Variants in AGBL4 observed in about 807,000 individuals in gnomAD.
AGBL4 encodes the protein AGBL carboxypeptidase 4.
A neutral mutation model predicts 66.4 loss-of-function variants in AGBL4; 58 were observed. That is an observed-to-expected ratio of 0.87 (90% confidence interval 0.71 to 1.09). The LOEUF is 1.09. Among genes scored for constraint, AGBL4 ranks in the 50% least tolerant of loss-of-function variants. The pLI is 0.00. For missense variants in AGBL4, 579 were observed against 631.0 expected (o/e 0.92, Z 0.88); for synonymous variants, 234 against 222.9 (o/e 1.05, Z -0.44).
chr1:49,956,978 G>A (rs1175316603), intron 1 of AGBL4, among the ~76,000 whole-genome samples: 2 of 151,950 alleles, frequency 1.3e-5, no homozygotes, highest in Admixed American at 6.6e-5. Context: ...GTTATAAGAA[G>A]TAGGAGAACA....
At chr1:49,266,081 C>G (rs191686141) in intron 3 of AGBL4, 1 of 152,050 alleles carries the variant, frequency 6.6e-6, no homozygotes, top group Non-Finnish European at 1.5e-5. Context: ...AGGGAATCAA[C>G]AAAGTTTGTT....
chr1:48,539,085 C>G (rs1199388027), intron 12 of AGBL4, among the ~76,000 whole-genome samples: 1 of 152,224 alleles, frequency 6.6e-6, no homozygotes, highest in Non-Finnish European at 1.5e-5. Context: ...TCCTCAGCAG[C>G]CCTGCAAGTT....
chr1:49,439,550 C>T (rs771080717), intron 3 of AGBL4, among the ~76,000 whole-genome samples: 6 of 152,026 alleles, frequency 3.9e-5, no homozygotes, highest in South Asian at 4.2e-4. Flanking sequence ...TTGAAGGATG[C>T]GAAGTACCGA....
chr1:49,995,264 A>C (rs1660280448), intron 1 of AGBL4: 1 of 455,274 alleles, frequency 2.2e-6, no homozygotes, highest in Admixed American at 2.3e-5. Flanking sequence ...ACAAGTTTTC[A>C]GCCCTGCTCA....
At chr1:49,574,403 C>A (rs759294354) in intron 3 of AGBL4, among the ~76,000 whole-genome samples, 2 of 152,036 alleles carry the variant, frequency 1.3e-5, no homozygotes, top group African/African-American at 2.4e-5. Flanking sequence ...CCACTGTGAG[C>A]GAGCTGGAAA....
At chr1:49,653,206 A>G (rs1646045567) in intron 3 of AGBL4, among the ~76,000 whole-genome samples, 1 of 152,138 alleles carries the variant, frequency 6.6e-6, no homozygotes, top group Admixed American at 6.6e-5. Context: ...GTGGACCCCA[A>G]GCAAAACGCA....
chr1:49,869,914 T>G (rs1646797565), intron 1 of AGBL4, among the ~76,000 whole-genome samples: 3 of 152,136 alleles, frequency 2.0e-5, no homozygotes, highest in Admixed American at 2.0e-4. Context: ...CAACTGTAGT[T>G]AACAATAATT....
chr1:48,865,488 G>T (rs933156866), intron 6 of AGBL4, among the ~76,000 whole-genome samples: 5 of 152,052 alleles, frequency 3.3e-5, no homozygotes, highest in African/African-American at 7.2e-5. Context: ...CCCTGGCTCA[G>T]AATTTATTCT....
At chr1:48,946,043 A>G (rs1370543834) in intron 5 of AGBL4, among the ~76,000 whole-genome samples, 1 of 152,198 alleles carries the variant, frequency 6.6e-6, no homozygotes, top group Non-Finnish European at 1.5e-5. Context: ...TGTTCACGCT[A>G]TTCCACCCAC....
intron 3 of AGBL4, among the ~76,000 whole-genome samples, chr1:49,561,456 C>G (rs1056495467): frequency 2.0e-5 from 3 of 151,804 alleles, no homozygotes; most frequent in African/African-American, 4.8e-5. Context: ...ATCCGTCCCC[C>G]CTCCCCCCAA....
At chr1:49,467,908 G>A (rs2148708263) in intron 3 of AGBL4, among the ~76,000 whole-genome samples, 1 of 151,924 alleles carries the variant, frequency 6.6e-6, no homozygotes, top group East Asian at 1.9e-4. Flanking sequence ...AGTCCTTCTA[G>A]GTAAGACATT....
At chr1:49,467,774 A>G (rs2148708103) in intron 3 of AGBL4, among the ~76,000 whole-genome samples, 1 of 152,022 alleles carries the variant, frequency 6.6e-6, no homozygotes, top group East Asian at 1.9e-4. Context: ...ATTACAGTTT[A>G]TTCACACATT....
intron 4 of AGBL4, among the ~76,000 whole-genome samples, chr1:49,062,626 T>C (rs1644423582): frequency 6.6e-6 from 1 of 152,206 alleles, no homozygotes; most frequent in African/African-American, 2.4e-5. Context: ...AGCCATGTTG[T>C]GGAGTAAAGA....
chr1:49,434,685 T>C (rs1645862060), intron 3 of AGBL4, among the ~76,000 whole-genome samples: 1 of 149,288 alleles, frequency 6.7e-6, no homozygotes, highest in African/African-American at 2.5e-5. Flanking sequence ...GTGGTGGTAG[T>C]GGTGGTGGTG....
chr1:49,242,954 G>A (rs962083767), intron 4 of AGBL4, among the ~76,000 whole-genome samples: 3 of 151,564 alleles, frequency 2.0e-5, no homozygotes, highest in African/African-American at 7.3e-5. Context: ...AGCCCCCTAT[G>A]AGAGGTGAAG....
chr1:49,880,649 A>C (rs538444356), intron 1 of AGBL4, among the ~76,000 whole-genome samples: 29 of 152,274 alleles, frequency 1.9e-4, no homozygotes, highest in African/African-American at 6.5e-4. Flanking sequence ...TGGAGCCTAC[A>C]GAGGCAGGCA....
At chr1:49,649,809 G>A (rs1645965154) in intron 3 of AGBL4, among the ~76,000 whole-genome samples, 1 of 151,808 alleles carries the variant, frequency 6.6e-6, no homozygotes, top group African/African-American at 2.4e-5. Flanking sequence ...TGGCCACAAC[G>A]GAATGAAACT....
chr1:49,632,273 A>G (rs968360829), intron 3 of AGBL4, among the ~76,000 whole-genome samples: 4 of 152,210 alleles, frequency 2.6e-5, no homozygotes, highest in African/African-American at 9.7e-5. Flanking sequence ...TTTCCTTGCT[A>G]TGTTAACCCA....
chr1:48,796,473 C>T (rs759972744), intron 6 of AGBL4, among the ~76,000 whole-genome samples: 35 of 90,920 alleles, frequency 3.8e-4, no homozygotes, highest in Admixed American at 7.4e-4. Context: ...AGCTCCCAGT[C>T]ATAAAACAGG....
Sources: gnomAD v4.1 joint callset for allele counts (sites outside exome capture counted in the v4.1 genomes callset) on GRCh38, gnomAD v4.1.1 for gene constraint, MANE v1.5 for transcripts, NCBI Gene and HGNC (gene_info 2026-07-23, HGNC 2026-07-21) for gene names.